DPP6: variants seen among roughly 807,000 people sequenced by gnomAD.
The protein encoded by DPP6 is A-type potassium channel modulatory protein DPP6.
A neutral mutation model predicts 122.6 loss-of-function variants in DPP6; 69 were observed. That is an observed-to-expected ratio of 0.56 (90% CI 0.46 to 0.69). The LOEUF (loss-of-function observed/expected upper bound fraction) is 0.69. Among genes scored for constraint, DPP6 ranks in the 30% least tolerant of loss-of-function variants. The probability of loss-of-function intolerance (pLI) is 0.00; values close to 1 mark genes in which losing one functional copy is unlikely to be tolerated. For synonymous variants in DPP6, 418 were observed against 433.1 expected (o/e 0.97, Z 0.43); for missense variants, 928 against 1,116.9 (o/e 0.83, Z 2.41).
chr7:153,995,421 C>A (rs1276050685), intron 1 of DPP6, among the ~76,000 whole-genome samples: 1 of 151,928 alleles, frequency 6.6e-6, no homozygotes, highest in African/African-American at 2.4e-5. Flanking sequence ...CCCGTCTCTA[C>A]TAAAAATACA....
the DPP6 span, among the ~76,000 whole-genome samples, chr7:153,836,270 G>A: frequency 6.6e-6 from 1 of 152,002 alleles, no homozygotes; most frequent in Non-Finnish European, 1.5e-5. Context: ...ACAATTTATC[G>A]CGTTTGGCCA....
At chr7:154,814,224 T>G (rs575390240) in intron 16 of DPP6, among the ~76,000 whole-genome samples, 1 of 152,216 alleles carries the variant, frequency 6.6e-6, no homozygotes, top group Non-Finnish European at 1.5e-5. Flanking sequence ...TTGATGACTA[T>G]GTTCCCATTT....
upstream of DPP6, among the ~76,000 whole-genome samples, chr7:153,883,733 A>G (rs1389168389): frequency 6.6e-6 from 1 of 152,188 alleles, no homozygotes; most frequent in Admixed American, 6.5e-5. Context: ...CCAGTATTCC[A>G]TATGGCAGTG....
chr7:153,961,911 G>A (rs1235458989), intron 1 of DPP6, among the ~76,000 whole-genome samples: 3 of 147,696 alleles, frequency 2.0e-5, no homozygotes, highest in Non-Finnish European at 4.4e-5. Flanking sequence ...GCGGCTGTAA[G>A]TACAGATGAA....
At chr7:153,751,847 A>G in the DPP6 span, among the ~76,000 whole-genome samples, 2 of 150,668 alleles carry the variant, frequency 1.3e-5, no homozygotes, top group African/African-American at 2.4e-5. Flanking sequence ...AGAGAAAGCA[A>G]AGGTTTGGAT....
chr7:154,326,554 C>T (rs1214827731), intron 1 of DPP6, among the ~76,000 whole-genome samples: 2 of 152,190 alleles, frequency 1.3e-5, no homozygotes, highest in Non-Finnish European at 2.9e-5. Context: ...AGACCTCATC[C>T]TCATCCTAAT....
At chr7:153,892,785 A>G (rs1799261804) in intron 1 of DPP6, among the ~76,000 whole-genome samples, 1 of 152,144 alleles carries the variant, frequency 6.6e-6, no homozygotes, top group African/African-American at 2.4e-5. Flanking sequence ...GCCTTCTCAA[A>G]ATGGGTTCCA....
At chr7:153,760,047 T>G in the DPP6 span, among the ~76,000 whole-genome samples, 1 of 152,158 alleles carries the variant, frequency 6.6e-6, no homozygotes, top group Non-Finnish European at 1.5e-5. Flanking sequence ...AGTGCATGTA[T>G]ATTAGGCTGC....
At chr7:154,848,240 A>T (rs1270870183) in intron 16 of DPP6, among the ~76,000 whole-genome samples, 1 of 151,988 alleles carries the variant, frequency 6.6e-6, no homozygotes. Context: ...TTTTTTGAGG[A>T]ACCACCATAT....
Position 154,877,541 on chromosome 7 carries a change from C to T in DPP6, c.2078+1441C>T, listed in dbSNP as rs3823531. Among the ~76,000 whole-genome samples the T allele has an allele frequency of 0.17, 26,339 of 152,138 alleles. 2,666 individuals carry two copies. Among genetic ancestry groups the T allele is most frequent in the East Asian group, 0.54 (2,772 of 5,146 alleles). ...CACCAACGACCCAGGCTCTCTCCGTCTCTCCGCCCAGCCAGCCATGATGGT... is the reference window on the plus strand; with the variant it reads ...CACCAACGACCCAGGCTCTCTCCGTTTCTCCGCCCAGCCAGCCATGATGGT... On this transcript the variant is annotated intron_variant, in intron 20 of 25. Transcript: ENST00000377770. This position sits in a 1 kb window ranked among gnomAD's most constrained non-coding sequence, Gnocchi z 5.2.
intron 1 of DPP6, among the ~76,000 whole-genome samples, chr7:154,062,222 G>A (rs1173371902): frequency 1.0e-5 from 1 of 99,602 alleles, no homozygotes; most frequent in African/African-American, 3.7e-5. Flanking sequence ...GGTGTTAGGT[G>A]TCCAAGTAGA....
At chr7:154,742,736 A>G (rs1054469660) in intron 8 of DPP6, among the ~76,000 whole-genome samples, 5 of 152,222 alleles carry the variant, frequency 3.3e-5, no homozygotes, top group African/African-American at 1.2e-4. Flanking sequence ...TCTCTGATGA[A>G]TGTTCTATGC....
intron 1 of DPP6, among the ~76,000 whole-genome samples, chr7:154,269,472 T>G (rs951162794): frequency 2.6e-5 from 4 of 152,202 alleles, no homozygotes; most frequent in African/African-American, 9.6e-5. Context: ...TGGGCCACAG[T>G]GCTTTGTAGA....
chr7:154,764,289 G>A (rs955462583), intron 8 of DPP6, among the ~76,000 whole-genome samples: 4 of 152,132 alleles, frequency 2.6e-5, no homozygotes, highest in African/African-American at 4.8e-5. Context: ...AGGACCTCAA[G>A]AATTCACCTT....
chr7:153,911,813 C>G (rs945918836), intron 1 of DPP6, among the ~76,000 whole-genome samples: 2 of 152,132 alleles, frequency 1.3e-5, no homozygotes, highest in South Asian at 4.1e-4. Context: ...GTTTTGTCAC[C>G]TATTTTTAAA....
Position 154,892,492 on chromosome 7 carries a change from T to C in DPP6, c.*12T>C. The C allele has an allele frequency of 6.2e-7, 1 of 1,611,822 alleles. No homozygotes were observed. The highest frequency in any genetic ancestry group is 8.5e-7 in the Non-Finnish European group (1 of 1,178,700). On this transcript the variant is annotated 3_prime_UTR_variant, in exon 26 of 26. Coordinates refer to ENST00000377770, the MANE Select transcript of DPP6 (RefSeq NM_130797.4). Reference sequence around the variant, plus strand: ...AGGAGGAGGACTAAGCTCAGGTCGCTCTAAGCACAAACGTGGCTCTTTCTA... The same window carrying C: ...AGGAGGAGGACTAAGCTCAGGTCGCCCTAAGCACAAACGTGGCTCTTTCTA...
At chr7:154,422,680 G>GGT (rs1554544690) in intron 1 of DPP6, among the ~76,000 whole-genome samples, 1 of 102,756 alleles carries the variant, frequency 9.7e-6, no homozygotes, top group Non-Finnish European at 2.2e-5. Flanking sequence ...GTGGATGGGT[G>GGT]GATGGATGGA....
At chr7:153,820,103 C>T in the DPP6 span, among the ~76,000 whole-genome samples, 1 of 152,128 alleles carries the variant, frequency 6.6e-6, no homozygotes, top group Non-Finnish European at 1.5e-5. Flanking sequence ...AATTGATTTT[C>T]AGTTTCCCAA....
chr7:154,265,460 T>C (rs1263326254), intron 1 of DPP6, among the ~76,000 whole-genome samples: 1 of 152,186 alleles, frequency 6.6e-6, no homozygotes, highest in Non-Finnish European at 1.5e-5. Flanking sequence ...AAATGAAAGT[T>C]AGCTGAATGT....
Sources: gnomAD v4.1 joint callset for allele counts (sites outside exome capture counted in the v4.1 genomes callset) on GRCh38, gnomAD v4.1.1 for gene constraint, Gnocchi (gnomAD v3.1) non-coding constraint, MANE v1.5 for transcripts, NCBI Gene and HGNC (gene_info 2026-07-23, HGNC 2026-07-21) for gene names.